Variants in ZNF558 observed in about 807,000 individuals in gnomAD.
ZNF558 encodes zinc finger protein 558.
ZNF558 carries 23 observed loss-of-function variants against 37.6 expected under a neutral mutation model. The observed-to-expected ratio is 0.61, with a 90% CI of 0.44 to 0.87. ZNF558 has a LOEUF of 0.87. Ranked by LOEUF, ZNF558 falls within the 40% of genes least tolerant of loss-of-function variation. ZNF558 has a pLI of 0.00. For synonymous variants in ZNF558, 189 were observed against 174.4 expected, an observed-to-expected ratio of 1.08 and a Z score of -0.66; for missense variants, 429 against 483.7, an observed-to-expected ratio of 0.89 and a Z score of 1.06.
chr19:8,829,165 G>A (rs1040513506), intron 2 of ZNF558, among the ~76,000 whole-genome samples: 6 of 151,648 alleles, frequency 4.0e-5, no homozygotes, highest in African/African-American at 1.2e-4. Flanking sequence ...AGGAGGCTGC[G>A]GCAGAACTGC....
At chr19:8,821,416 GTT>G (rs1568470009) in intron 6 of ZNF558, 110 bp from the exon 7 acceptor site, 1 of 1,599,464 alleles carries the variant, frequency 6.3e-7, no homozygotes, top group East Asian at 2.2e-5. Context: ...AGCACGAGAT[GTT>G]GGGGGGGGTG....
intron 7 of ZNF558, 76 bp downstream of exon 7, chr19:8,821,104 A>G: frequency 1.3e-6 from 2 of 1,555,638 alleles, no homozygotes; most frequent in South Asian, 1.2e-5. Context: ...TTTTACCACA[A>G]TAAAAAAAGT....
chr19:8,820,305 G>A (rs994208774), intron 7 of ZNF558, among the ~76,000 whole-genome samples: 1 of 152,084 alleles, frequency 6.6e-6, no homozygotes, highest in Admixed American at 6.5e-5. Flanking sequence ...TTAAACAAAA[G>A]CTCGTACACA....
chr19:8,832,864 G>T (rs1437253328), upstream of ZNF558, among the ~76,000 whole-genome samples: 1 of 152,130 alleles, frequency 6.6e-6, no homozygotes, highest in African/African-American at 2.4e-5. Flanking sequence ...GCTGTGGGCG[G>T]AGATAAGCTC....
chr19:8,831,132 A>T (rs1011610377), intron 2 of ZNF558, 186 bp downstream of exon 2: 1 of 152,106 alleles, frequency 6.6e-6, no homozygotes, highest in African/African-American at 2.4e-5. Context: ...ATGTAACTGT[A>T]TTTACTTATT....
chr19:8,827,051 A>G (rs1033667648), intron 2 of ZNF558, among the ~76,000 whole-genome samples: 9 of 152,128 alleles, frequency 5.9e-5, no homozygotes, highest in Admixed American at 4.6e-4. Context: ...AAAAACAAGT[A>G]GAGAAGGTAC....
rs1555767877 is a variant in ZNF558, at chr19:8,811,371, T to C, written c.1119A>G (p.Glu373=). ...VKKHLRTHTG[E]KPYECNHCGK... Reference sequence around the variant, plus strand: ...CACAATGATTACATTCATAGGGTTTTTCTCCAGTGTGAGTTCTTAAGTGTT... The same window carrying C: ...CACAATGATTACATTCATAGGGTTTCTCTCCAGTGTGAGTTCTTAAGTGTT... Residue 373 remains glutamate, a synonymous_variant, in exon 10 of 10, where the codon GAA becomes GAG. Transcript: ENST00000601372. 1 of 1,613,934 alleles carries C rather than the reference T, an allele frequency of 6.2e-7. No individual in the cohort carries two copies. The highest frequency in any genetic ancestry group is 8.5e-7 in the Non-Finnish European group (1 of 1,179,934).
In ZNF558 at chr19:8,810,742, G is replaced by C. The variant is rs554934680; in HGVS notation, c.*539C>G. The C allele has an allele frequency of 2.0e-5, 3 of 152,850 alleles. No individual in the cohort carries two copies. The highest frequency in any genetic ancestry group is 2.0e-4 in the Admixed American group (3 of 15,340). The allele number at this position is 152,850 out of a possible 1,614,324, so 9.5% of individuals were successfully genotyped here. On this transcript the variant is annotated 3_prime_UTR_variant, in exon 10 of 10. Coordinates refer to ENST00000601372, the MANE Select transcript of ZNF558 (RefSeq NM_144693.3). ...TCTGCAGTCTCTCACATTGTATCAG[G>C]ATTGGTGTGTTGTGAGACCAACACA...
chr19:8,813,165 A>G lies in ZNF558; in HGVS notation c.305T>C (p.Val102Ala). 3 of 1,599,294 alleles carry G rather than the reference A, an allele frequency of 1.9e-6. No homozygotes were observed. The highest frequency in any genetic ancestry group is 2.2e-5 in the East Asian group (1 of 44,664). The change falls in exon 8 of 10, where the codon GTG becomes GCG. Residue 102 changes from valine to alanine, a missense_variant. Coordinates refer to ENST00000601372, the MANE Select transcript of ZNF558 (RefSeq NM_144693.3). ...ISQLEQDKKV[V>A]TEERGILPST... ...TGGTAGAATTCCTCTTTCCTCTGTC[A>G]CCACCTTCTTGTCTTGTTCCAACTG...
intron 2 of ZNF558, among the ~76,000 whole-genome samples, chr19:8,827,823 C>T (rs979043479): frequency 1.3e-5 from 2 of 152,108 alleles, no homozygotes; most frequent in African/African-American, 4.8e-5. Flanking sequence ...ATCAGCCCAC[C>T]TTGGTCTCCT....
Position 8,822,545 on chromosome 19 carries a change from T to C in ZNF558, c.31+84A>G. 5.6e-6 allele frequency: 9 copies of C among 1,594,866 alleles called. No homozygotes were observed. Among genetic ancestry groups the C allele is most frequent in the Admixed American group, 1.7e-5 (1 of 59,562 alleles). ...GGCTCCACTCCTGCCTCACCTGCTC[T>C]GCCCAACCCCGCTCGTGTCCCATGC... On this transcript the variant is annotated intron_variant, in intron 5 of 9. Transcript: ENST00000601372. The surrounding 1 kb of genome is among the most constrained non-coding windows in gnomAD (Gnocchi z 4.4).
rs2044119019 is a variant in ZNF558 at position 8,822,499 on chromosome 19, G to A, written c.31+130C>T. On this transcript the variant is annotated intron_variant, in intron 5 of 9. Coordinates refer to ENST00000601372, the MANE Select transcript of ZNF558 (RefSeq NM_144693.3). The surrounding 1 kb of genome is among the most constrained non-coding windows in gnomAD (Gnocchi z 4.4). Reference sequence around the variant, plus strand: ...TCCCGAGAGCTGCCCGATCAGACACGGAGGACCTCTGGGCCCCTGGGGCTC... The same window carrying A: ...TCCCGAGAGCTGCCCGATCAGACACAGAGGACCTCTGGGCCCCTGGGGCTC... 11 of 1,313,352 alleles carry A rather than the reference G, an allele frequency of 8.4e-6. No individual in the cohort carries two copies. Among genetic ancestry groups the A allele is most frequent in the African/African-American group, 2.9e-5 (2 of 68,564 alleles). The allele number at this position is 1,313,352 out of a possible 1,614,324, so 81.4% of individuals were successfully genotyped here.
Position 8,821,391 on chromosome 19 carries a change from G to A in ZNF558, c.121-85C>T. The A allele has an allele frequency of 3.1e-6, 5 of 1,613,052 alleles. No individual in the cohort carries two copies. In the South Asian group the frequency reaches 3.3e-5, roughly 11 times the overall value. The stretch of plus-strand genomic sequence containing the variant: ...AGAGGGGCCAGGAGAACAGAGCCAG[G>A]GCTGGGGAAACCTGAGCACGAGATG... On this transcript the variant is annotated intron_variant, in intron 6 of 9. Transcript: ENST00000601372.
chr19:8,820,213 A>C (rs936393267), intron 7 of ZNF558, among the ~76,000 whole-genome samples: 6 of 152,192 alleles, frequency 3.9e-5, no homozygotes, highest in African/African-American at 1.4e-4. Flanking sequence ...GCTGTGGAAA[A>C]GTCTGGCAGT....
intron 7 of ZNF558, among the ~76,000 whole-genome samples, chr19:8,817,947 A>AAGGAAAC (rs762174331): frequency 3.0e-4 from 45 of 152,236 alleles, no homozygotes; most frequent in Admixed American, 5.9e-4. Context: ...GAAGATCAAA[A>AAGGAAAC]AGGAAACAGA....
At chr19:8,817,330 A>G (rs1353239600) in intron 7 of ZNF558, among the ~76,000 whole-genome samples, 1 of 152,172 alleles carries the variant, frequency 6.6e-6, no homozygotes, top group Non-Finnish European at 1.5e-5. Flanking sequence ...GCACACTTCA[A>G]GTACCCTACA....
chr19:8,819,242 T>C (rs2044020465), intron 7 of ZNF558, among the ~76,000 whole-genome samples: 1 of 152,178 alleles, frequency 6.6e-6, no homozygotes, highest in Non-Finnish European at 1.5e-5. Context: ...TGGAATATAG[T>C]GGATCTCGGC....
At chr19:8,838,108 C>A in the ZNF558 span, among the ~76,000 whole-genome samples, 1 of 151,300 alleles carries the variant, frequency 6.6e-6, no homozygotes, top group Non-Finnish European at 1.5e-5. Flanking sequence ...ATAAGCTGGG[C>A]GTGGTGGTGC....
In ZNF558 at chr19:8,821,410, C is replaced by T. The variant is rs111968732; in HGVS notation, c.121-104G>A. On this transcript the variant is annotated intron_variant, in intron 6 of 9. Coordinates refer to ENST00000601372, the MANE Select transcript of ZNF558 (RefSeq NM_144693.3). ...AGCCAGGGCTGGGGAAACCTGAGCACGAGATGTTGGGGGGGGTGGTTCTGA... is the reference window on the plus strand; with the variant it reads ...AGCCAGGGCTGGGGAAACCTGAGCATGAGATGTTGGGGGGGGTGGTTCTGA... 674 of 1,606,308 alleles carry T rather than the reference C, an allele frequency of 4.2e-4. 3 individuals carry two copies. In the African/African-American group the frequency reaches 7.7e-3, roughly 18 times the overall value.
Sources: gnomAD v4.1 joint callset for allele counts (sites outside exome capture counted in the v4.1 genomes callset) on GRCh38, gnomAD v4.1.1 for gene constraint, Gnocchi (gnomAD v3.1) non-coding constraint, MANE v1.5 for transcripts, NCBI Gene and HGNC (gene_info 2026-07-23, HGNC 2026-07-21) for gene names.